Variants in MYO7B observed in about 807,000 individuals in gnomAD.
MYO7B encodes the protein unconventional myosin-VIIb.
MYO7B carries 212 observed loss-of-function variants against 259.7 expected under a neutral mutation model. The observed-to-expected ratio is 0.82, with a 90% CI of 0.73 to 0.91. MYO7B has a LOEUF of 0.91. Among genes scored for constraint, MYO7B ranks in the 40% least tolerant of loss-of-function variants. The pLI is 0.00. For missense variants in MYO7B, 2,732 were observed against 2,813.5 expected (o/e 0.97, Z 0.66); for synonymous variants, 1,197 against 1,166.4 (o/e 1.03, Z -0.54).
intron 28 of MYO7B, among the ~76,000 whole-genome samples, chr2:127,622,633 C>T (rs530886850): frequency 1.8e-4 from 28 of 152,368 alleles, no homozygotes; most frequent in African/African-American, 5.3e-4. Flanking sequence ...GGCAGGTGCC[C>T]GCCCTGTGAC....
At position 127,624,706 on chromosome 2, in the gene MYO7B, T is replaced by C. The variant is rs960268860; in HGVS notation, c.4047+386T>C. On this transcript the variant is annotated intron_variant, in intron 30 of 47. Transcript: ENST00000409816. ...GGAAAGTCCTGTCACCGCAGAGCCC[T>C]GGGCCCTCATCTGACTGGGGGGCTC... Among the ~76,000 whole-genome samples, 7 of 152,232 alleles carry C rather than the reference T, an allele frequency of 4.6e-5. No homozygotes were observed. In the East Asian group the frequency reaches 1.2e-3, roughly 25 times the overall value.
chr2:127,539,682 T>A lies in MYO7B; in HGVS notation c.-24+3851T>A, dbSNP rs553980528. ...GGACTTCCTTGAGGGCTATTTCTTT[T>A]AAAAAAAAAAACTCCATAGTTTTTA... On this transcript the variant is annotated intron_variant, in intron 1 of 47. Transcript: ENST00000409816. This position sits in a 1 kb window ranked among gnomAD's most constrained non-coding sequence, Gnocchi z 4.0. 1.9e-4 allele frequency among the ~76,000 whole-genome samples: 28 copies of A among 148,686 alleles called. No homozygotes were observed. The highest frequency in any genetic ancestry group is 4.6e-4 in the African/African-American group (19 of 40,978).
chr2:127,593,544 A>T lies in MYO7B; in HGVS notation c.2146-2A>T. On this transcript the variant is annotated splice_acceptor_variant, in intron 17 of 47. Transcript: ENST00000409816. LOFTEE classifies it high-confidence loss of function. ...ACCGATACCCCCGTTTGGTCTTGGCAGCTGCAAGGCAAGCTCCGCCAGATG... is the reference window on the plus strand; with the variant it reads ...ACCGATACCCCCGTTTGGTCTTGGCTGCTGCAAGGCAAGCTCCGCCAGATG... The T allele has an allele frequency of 2.5e-6, 4 of 1,612,410 alleles. No individual in the cohort carries two copies. The highest frequency in any genetic ancestry group is 3.4e-6 in the Non-Finnish European group (4 of 1,179,156).
At chr2:127,623,649 G>A (rs1266793826) in intron 29 of MYO7B, among the ~76,000 whole-genome samples, 3 of 152,088 alleles carry the variant, frequency 2.0e-5, no homozygotes, top group Non-Finnish European at 4.4e-5. Context: ...CAGCAGCCAC[G>A]CACAGACATC....
Position 127,622,110 on chromosome 2 carries a change from TGGCAGGGGTGAGAGCG to T in MYO7B, c.3645+17_3645+32del. 6.5e-7 allele frequency: 1 copy of T among 1,547,924 alleles called. No individual in the cohort carries two copies. Among genetic ancestry groups the T allele is most frequent in the Non-Finnish European group, 8.7e-7 (1 of 1,144,590 alleles). On this transcript the variant is annotated intron_variant, in intron 28 of 47. Coordinates refer to ENST00000409816, the MANE Select transcript of MYO7B (RefSeq NM_001393586.1). Reference sequence around the variant, plus strand: ...CCTGGCTGGAGCTGCAGGTAGGGGCTGGCAGGGGTGAGAGCGGGCAGGGTGGGGTGGTGCAGACCCC... The same window carrying T: ...CCTGGCTGGAGCTGCAGGTAGGGGCTGGCAGGGTGGGGTGGTGCAGACCCC...
In MYO7B at chr2:127,609,037, G is replaced by A. The variant is rs185057197; in HGVS notation, c.2814+159G>A. Among the ~76,000 whole-genome samples the A allele has an allele frequency of 1.3e-5, 2 of 152,282 alleles. No individual in the cohort carries two copies. The highest frequency in any genetic ancestry group is 6.5e-5 in the Admixed American group (1 of 15,302). ...TCCCACACGGAAGAGGGGAGCGTGCGTGGGTTCTGTGGTCAAAGCCTTCGA... is the reference window on the plus strand; with the variant it reads ...TCCCACACGGAAGAGGGGAGCGTGCATGGGTTCTGTGGTCAAAGCCTTCGA... On this transcript the variant is annotated intron_variant, in intron 22 of 47. Transcript: ENST00000409816. The surrounding 1 kb of genome is among the most constrained non-coding windows in gnomAD (Gnocchi z 6.9).
Position 127,622,029 on chromosome 2 carries a change from C to A in MYO7B, c.3573C>A (p.Phe1191Leu). ...IGQGPATYGP[F>L]CAERLRRTYA... ...AAGGGCCGGCGACCTACGGCCCCTT[C>A]TGTGCCGAGCGCCTGAGACGCACCT... The change falls in exon 28 of 48, where the codon TTC (phenylalanine) becomes TTA (leucine). Residue 1191 changes from phenylalanine to leucine, a missense_variant. Phe to Leu is a conservative substitution (Grantham distance 22, BLOSUM62 0). This residue lies in a region of MYO7B where 1,906 missense variants were observed against 2,026.4 expected (regional missense o/e 0.94). Transcript: ENST00000409816. 6.4e-6 allele frequency: 10 copies of A among 1,551,806 alleles called. No individual in the cohort carries two copies. Among genetic ancestry groups the A allele is most frequent in the East Asian group, 4.9e-5 (2 of 40,930 alleles).
At chr2:127,631,468 A>G in intron 37 of MYO7B, 105 bp downstream of exon 37, 3 of 1,541,170 alleles carry the variant, frequency 1.9e-6, no homozygotes, top group Non-Finnish European at 2.6e-6. Flanking sequence ...AGCCCAGGAG[A>G]TCTGAGAAAC....
intron 19 of MYO7B, among the ~76,000 whole-genome samples, chr2:127,602,401 A>G (rs527673054): frequency 6.6e-6 from 1 of 152,324 alleles, no homozygotes; most frequent in South Asian, 2.1e-4. Context: ...TAATCCCAGC[A>G]TTTTGGGAGG....
At position 127,564,151 on chromosome 2, in the gene MYO7B, A is replaced by C; in HGVS notation, c.19-2A>C. On this transcript the variant is annotated splice_acceptor_variant, in intron 2 of 47. Coordinates refer to ENST00000409816, the MANE Select transcript of MYO7B (RefSeq NM_001393586.1). LOFTEE classifies it high-confidence loss of function. Reference sequence around the variant, plus strand: ...CACCACTGTCTTCTGTCTGCCCTCCAGGGTGACCACGTGTGGCTGGAGCCT... The same window carrying C: ...CACCACTGTCTTCTGTCTGCCCTCCCGGGTGACCACGTGTGGCTGGAGCCT... The C allele has an allele frequency of 6.4e-7, 1 of 1,555,654 alleles. No individual in the cohort carries two copies. Among genetic ancestry groups the C allele is most frequent in the Admixed American group, 1.9e-5 (1 of 51,668 alleles).
chr2:127,545,792 C>G (rs968224988), intron 1 of MYO7B, among the ~76,000 whole-genome samples: 7 of 152,192 alleles, frequency 4.6e-5, no homozygotes, highest in African/African-American at 1.7e-4. Flanking sequence ...GGTGAACGCC[C>G]AGTAAGTGCT....
At chr2:127,580,296 A>G (rs1415184672) in intron 9 of MYO7B, among the ~76,000 whole-genome samples, 1 of 152,156 alleles carries the variant, frequency 6.6e-6, no homozygotes, top group Non-Finnish European at 1.5e-5. Context: ...GTTGCAATAG[A>G]GCCAGGCCTG....
intron 12 of MYO7B, among the ~76,000 whole-genome samples, chr2:127,583,366 G>C (rs1466777356): frequency 6.6e-6 from 1 of 152,262 alleles, no homozygotes; most frequent in East Asian, 1.9e-4. Context: ...GGGCCAGCCG[G>C]GGGTGCAGGG....
At chr2:127,633,699 G>C (rs1172799369) in intron 40 of MYO7B, among the ~76,000 whole-genome samples, 1 of 152,206 alleles carries the variant, frequency 6.6e-6, no homozygotes, top group East Asian at 1.9e-4. Context: ...TATTCCCACT[G>C]TGTGTGCCTT....
Position 127,566,564 on chromosome 2 carries a change from G to T in MYO7B, c.286-79G>T, listed in dbSNP as rs1678352113. On this transcript the variant is annotated intron_variant, in intron 4 of 47. Transcript: ENST00000409816. ...CCTGATAACCCCGAGGGCAGAGCCA[G>T]AGCCAAGGCCAAGGCCAAGGCCAGG... 3 of 1,391,710 alleles carry T rather than the reference G, an allele frequency of 2.2e-6. No individual in the cohort carries two copies. In the Admixed American group the frequency reaches 8.2e-5, roughly 38 times the overall value. The allele number at this position is 1,391,710 out of a possible 1,614,324, so 86.2% of individuals were successfully genotyped here.
chr2:127,548,486 A>T (rs1356188011), intron 1 of MYO7B, among the ~76,000 whole-genome samples: 7 of 149,032 alleles, frequency 4.7e-5, no homozygotes, highest in Non-Finnish European at 1.0e-4. Flanking sequence ...GCGGATCTCA[A>T]CTCACTGCCA....
chr2:127,629,631 C>T lies in MYO7B; in HGVS notation c.4625-14C>T, dbSNP rs1681352341. The T allele has an allele frequency of 1.2e-6, 2 of 1,609,328 alleles. No individual in the cohort carries two copies. The highest frequency in any genetic ancestry group is 1.3e-5 in the African/African-American group (1 of 74,876). ...CTGCAGAGCCCTCAGCAAATAGCCTCCCTGCCCTTACAGATGACACCACCC... is the reference window on the plus strand; with the variant it reads ...CTGCAGAGCCCTCAGCAAATAGCCTTCCTGCCCTTACAGATGACACCACCC... On this transcript the variant is annotated splice_polypyrimidine_tract_variant and intron_variant, in intron 34 of 47. Coordinates refer to ENST00000409816, the MANE Select transcript of MYO7B (RefSeq NM_001393586.1).
Position 127,546,402 on chromosome 2 carries a change from A to C in MYO7B, c.-24+10571A>C, listed in dbSNP as rs1693229839. 6.6e-6 allele frequency among the ~76,000 whole-genome samples: 1 copy of C among 152,072 alleles called. No individual in the cohort carries two copies. The highest frequency in any genetic ancestry group is 2.1e-4 in the South Asian group (1 of 4,818). ...CCTGTCCTGGTCCAGCAATGCTTTG[A>C]TCTTCCCTGCACCTCCACCTCCCCA... On this transcript the variant is annotated intron_variant, in intron 1 of 47. Coordinates refer to ENST00000409816, the MANE Select transcript of MYO7B (RefSeq NM_001393586.1). This position sits in a 1 kb window ranked among gnomAD's most constrained non-coding sequence, Gnocchi z 4.2.
intron 43 of MYO7B, 106 bp downstream of exon 43, chr2:127,635,332 T>TG: frequency 9.2e-7 from 1 of 1,091,032 alleles, no homozygotes; most frequent in Non-Finnish European, 1.3e-6. Context: ...GCCTCAGCCC[T>TG]GGGTACCAGC....
Sources: gnomAD v4.1 joint callset for allele counts (sites outside exome capture counted in the v4.1 genomes callset) on GRCh38, gnomAD v4.1.1 for gene constraint, gnomAD v4.1.1 regional missense constraint, Gnocchi (gnomAD v3.1) non-coding constraint, MANE v1.5 for transcripts, NCBI Gene and HGNC (gene_info 2026-07-23, HGNC 2026-07-21) for gene names.